The following LSAMP variants were observed in gnomAD, a reference collection of about 807,000 sequenced individuals.
LSAMP encodes limbic system associated membrane protein, also known as limbic system-associated membrane protein.
In LSAMP, 7 loss-of-function variants were observed where a neutral mutation model predicts 38.6. The observed-to-expected ratio is 0.18, with a 90% confidence interval of 0.10 to 0.34. The LOEUF (loss-of-function observed/expected upper bound fraction) is 0.34, where lower values mean the gene tolerates loss of function less well. LSAMP is among the 10% of genes least tolerant of loss of function. The probability of loss-of-function intolerance (pLI) is 1.00; values close to 1 mark genes in which losing one functional copy is unlikely to be tolerated. For synonymous variants in LSAMP, 154 were observed against 166.8 expected, an observed-to-expected ratio of 0.92 and a Z score of 0.59; for missense variants, 313 against 420.0, an observed-to-expected ratio of 0.75 and a Z score of 2.23.
intron 1 of LSAMP, among the ~76,000 whole-genome samples, chr3:116,204,459 G>C (rs1184916590): frequency 6.6e-6 from 1 of 151,996 alleles, no homozygotes; most frequent in African/African-American, 2.4e-5. Context: ...TGGTGTTTTA[G>C]ACATGAAGTC....
intron 3 of LSAMP, among the ~76,000 whole-genome samples, chr3:115,920,334 C>A (rs912333823): frequency 1.3e-5 from 2 of 152,186 alleles, no homozygotes; most frequent in African/African-American, 4.8e-5. Flanking sequence ...AACTTCTCTA[C>A]ATCCTATCCA....
At chr3:116,241,228 T>C (rs986026149) in intron 1 of LSAMP, among the ~76,000 whole-genome samples, 31 of 151,286 alleles carry the variant, frequency 2.0e-4, no homozygotes, top group African/African-American at 7.5e-4. Context: ...TCTCTTTTGC[T>C]TCCTGTCCAA....
chr3:115,889,344 A>C (rs1433282714), intron 3 of LSAMP, among the ~76,000 whole-genome samples: 1 of 151,834 alleles, frequency 6.6e-6, no homozygotes, highest in Non-Finnish European at 1.5e-5. Context: ...AGACCTATGA[A>C]CTCATAAGAA....
At chr3:116,308,819 T>C (rs2047519376) in intron 1 of LSAMP, among the ~76,000 whole-genome samples, 1 of 152,106 alleles carries the variant, frequency 6.6e-6, no homozygotes, top group African/African-American at 2.4e-5. Flanking sequence ...AAGGGTTAAG[T>C]ATCAAAGAAT....
At chr3:116,337,032 A>G (rs1316190902) in intron 1 of LSAMP, among the ~76,000 whole-genome samples, 2 of 151,874 alleles carry the variant, frequency 1.3e-5, no homozygotes, top group Non-Finnish European at 2.9e-5. Flanking sequence ...AACATGGATG[A>G]ACCTTAAAGA....
intron 1 of LSAMP, among the ~76,000 whole-genome samples, chr3:116,263,117 A>G (rs1218991733): frequency 6.6e-6 from 1 of 152,200 alleles, no homozygotes; most frequent in Non-Finnish European, 1.5e-5. Context: ...AAAAAATGTT[A>G]GCGTGGGACC....
intron 2 of LSAMP, among the ~76,000 whole-genome samples, chr3:116,048,769 A>G (rs1009719684): frequency 9.2e-5 from 14 of 152,204 alleles, no homozygotes; most frequent in African/African-American, 3.1e-4. Flanking sequence ...TAATGAGATG[A>G]TATAACTCAT....
At chr3:116,187,721 T>A (rs753351357) in intron 1 of LSAMP, among the ~76,000 whole-genome samples, 1 of 152,180 alleles carries the variant, frequency 6.6e-6, no homozygotes, top group East Asian at 1.9e-4. Context: ...ACAATACCCA[T>A]ACCAAAGGTA....
chr3:115,812,253 G>A (rs1159011261), intron 6 of LSAMP, among the ~76,000 whole-genome samples: 3 of 152,224 alleles, frequency 2.0e-5, no homozygotes, highest in African/African-American at 7.2e-5. Flanking sequence ...TGGAAACACA[G>A]AATAAAGATT....
chr3:116,323,598 T>A (rs2047734518), intron 1 of LSAMP, among the ~76,000 whole-genome samples: 1 of 152,122 alleles, frequency 6.6e-6, no homozygotes, highest in African/African-American at 2.4e-5. Flanking sequence ...CTTGGTAACT[T>A]TACTTATTTC....
At chr3:116,389,589 T>C (rs1156844537) in intron 1 of LSAMP, among the ~76,000 whole-genome samples, 1 of 152,172 alleles carries the variant, frequency 6.6e-6, no homozygotes, top group African/African-American at 2.4e-5. Context: ...TTTGGTCAGA[T>C]GATTTACTAA....
At chr3:116,246,115 G>A (rs986131265) in intron 1 of LSAMP, among the ~76,000 whole-genome samples, 4 of 152,146 alleles carry the variant, frequency 2.6e-5, no homozygotes. Context: ...GCCAATTAAT[G>A]AGTAGTAGAA....
rs74879267 is a variant in LSAMP, at chr3:116,000,200, C to A, written c.514+19315G>T. Among the ~76,000 whole-genome samples, 1,143 of 152,152 alleles carry A rather than the reference C, an allele frequency of 7.5e-3. 13 individuals carry two copies. The highest frequency in any genetic ancestry group is 0.026 in the African/African-American group (1,089 of 41,492). ...GTTTTCCTGCACCAACTGAGAATAG[C>A]AAAAATCTATGATTTATACACTCCT... is the stretch of plus-strand genomic sequence containing the variant. On this transcript the variant is annotated intron_variant, in intron 3 of 6. Coordinates refer to ENST00000490035, the MANE Select transcript of LSAMP (RefSeq NM_002338.5).
At chr3:116,149,044 C>T (rs1468946572) in intron 1 of LSAMP, among the ~76,000 whole-genome samples, 1 of 151,932 alleles carries the variant, frequency 6.6e-6, no homozygotes, top group East Asian at 1.9e-4. Context: ...CTGTTGTTAG[C>T]GCTTCGTTCA....
At chr3:116,028,156 C>A (rs952229740) in intron 2 of LSAMP, among the ~76,000 whole-genome samples, 3 of 152,162 alleles carry the variant, frequency 2.0e-5, no homozygotes, top group Non-Finnish European at 4.4e-5. Flanking sequence ...GCAGCACTTG[C>A]TGTATTTAAT....
intron 3 of LSAMP, among the ~76,000 whole-genome samples, chr3:115,880,786 C>T (rs1936300395): frequency 6.6e-6 from 1 of 152,056 alleles, no homozygotes; most frequent in Non-Finnish European, 1.5e-5. Context: ...AATCCCAGCA[C>T]TTTGGGAGGC....
rs114779066 is a variant in LSAMP, at chr3:116,433,870, T to G, written c.155+11007A>C. 2.7e-3 allele frequency among the ~76,000 whole-genome samples: 408 copies of G among 152,224 alleles called. 2 individuals carry two copies. Among genetic ancestry groups the G allele is most frequent in the Middle Eastern group, 0.02 (6 of 294 alleles). On this transcript the variant is annotated intron_variant, in intron 1 of 6. Transcript: ENST00000490035. ...TCTCACTTCAGGGCCATTGAGTGAT[T>G]CCTTGTTCTGTCAGAAACTACTATT...
rs138494624 is a variant in LSAMP at position 116,006,257 on chromosome 3, C to T, written c.514+13258G>A. Among the ~76,000 whole-genome samples the T allele has an allele frequency of 4.0e-3, 602 of 152,024 alleles. 6 individuals are homozygous for T. The highest frequency in any genetic ancestry group is 0.013 in the African/African-American group (551 of 41,512). On this transcript the variant is annotated intron_variant, in intron 3 of 6. Transcript: ENST00000490035. The stretch of plus-strand genomic sequence containing the variant: ...AAGAGGGGACACCAGAGAGTTTGCT[C>T]ACTGTCTCCACACACACGCAGAAGT...
intron 3 of LSAMP, among the ~76,000 whole-genome samples, chr3:115,855,559 A>G (rs548239437): frequency 1.2e-4 from 19 of 152,308 alleles, no homozygotes; most frequent in African/African-American, 2.2e-4. Flanking sequence ...TCCAGCACAC[A>G]ATGTGCATAG....
Sources: gnomAD v4.1 joint callset for allele counts (sites outside exome capture counted in the v4.1 genomes callset) on GRCh38, gnomAD v4.1.1 for gene constraint, MANE v1.5 for transcripts, NCBI Gene and HGNC (gene_info 2026-07-23, HGNC 2026-07-21) for gene names.